The following SNX6 variants were observed in gnomAD, a reference collection of about 807,000 sequenced individuals.
The protein encoded by SNX6 is sorting nexin-6.
Under a neutral mutation model 63.0 loss-of-function variants are expected in SNX6, and 34 were observed. The observed-to-expected ratio is 0.54, with a 90% CI of 0.41 to 0.72. SNX6 has a LOEUF of 0.72. Among genes scored for constraint, SNX6 ranks in the 30% least tolerant of loss-of-function variants. SNX6 has a pLI of 0.00. For synonymous variants in SNX6, 170 were observed against 164.2 expected (o/e 1.04, Z -0.27); for missense variants, 398 against 471.4 (o/e 0.84, Z 1.44).
intron 2 of SNX6, among the ~76,000 whole-genome samples, chr14:34,616,438 T>C (rs1408514458): frequency 6.6e-6 from 1 of 152,172 alleles, no homozygotes; most frequent in African/African-American, 2.4e-5. Context: ...GGCACAATCA[T>C]AGCTCATTTT....
chr14:34,623,268 GA>G (rs1883696110), intron 2 of SNX6, among the ~76,000 whole-genome samples: 1 of 152,114 alleles, frequency 6.6e-6, no homozygotes, highest in Non-Finnish European at 1.5e-5. Context: ...AAGAAAAGGT[GA>G]GGGGGAAAAA....
chr14:34,579,819 C>T (rs1165747740), intron 10 of SNX6, among the ~76,000 whole-genome samples: 1 of 148,780 alleles, frequency 6.7e-6, no homozygotes, highest in Admixed American at 6.7e-5. Context: ...AAGACCCTGT[C>T]TCTACCAAAA....
At chr14:34,593,566 TTTC>T (rs1170111031) in intron 7 of SNX6, among the ~76,000 whole-genome samples, 18 of 149,718 alleles carry the variant, frequency 1.2e-4, no homozygotes, top group Non-Finnish European at 1.6e-4. Context: ...ACCCAGCTAA[TTTC>T]TTTTCTTTTT....
chr14:34,598,379 A>G (rs895210345), intron 6 of SNX6, among the ~76,000 whole-genome samples: 5 of 152,130 alleles, frequency 3.3e-5, no homozygotes, highest in Non-Finnish European at 7.3e-5. Flanking sequence ...GTGTCCCCCT[A>G]AAGTTCACAG....
intron 6 of SNX6, among the ~76,000 whole-genome samples, chr14:34,601,256 C>A (rs565765829): frequency 6.8e-6 from 1 of 147,808 alleles, no homozygotes; most frequent in Non-Finnish European, 1.5e-5. Flanking sequence ...GACGGAGTCT[C>A]GCTTTGTCAC....
chr14:34,567,253 G>T (rs535961789), intron 13 of SNX6, among the ~76,000 whole-genome samples: 39 of 152,126 alleles, frequency 2.6e-4, no homozygotes, highest in African/African-American at 9.2e-4. Flanking sequence ...TTGGGAGGCT[G>T]AGGCAGGAGG....
At chr14:34,574,838 G>A (rs1160475665) in intron 11 of SNX6, among the ~76,000 whole-genome samples, 4 of 151,612 alleles carry the variant, frequency 2.6e-5, no homozygotes, top group African/African-American at 4.8e-5. Flanking sequence ...GATTACAGGC[G>A]TAAGCCACTG....
At chr14:34,603,899 G>A (rs1162764867) in intron 5 of SNX6, among the ~76,000 whole-genome samples, 3 of 151,932 alleles carry the variant, frequency 2.0e-5, no homozygotes, top group South Asian at 2.1e-4. Context: ...TATTTTCAAC[G>A]TTAATAATTA....
chr14:34,617,330 T>C (rs1303514858), intron 2 of SNX6, among the ~76,000 whole-genome samples: 2 of 152,138 alleles, frequency 1.3e-5, no homozygotes, highest in Admixed American at 1.3e-4. Context: ...CTGTGACCTG[T>C]TGTTCCACAT....
intron 11 of SNX6, chr14:34,568,778 G>C (rs1009473223): frequency 5.3e-6 from 5 of 937,714 alleles, no homozygotes; most frequent in Non-Finnish European, 8.7e-6. Context: ...CCCCCATCTT[G>C]GTCCTTTTCC....
intron 10 of SNX6, 51 bp from the exon 11 acceptor site, chr14:34,575,893 T>A: frequency 9.8e-7 from 1 of 1,023,626 alleles, no homozygotes; most frequent in Non-Finnish European, 1.5e-6. Context: ...CATTCTCCTC[T>A]CAGTGGTTTC....
At chr14:34,592,544 T>C (rs1882438396) in intron 8 of SNX6, among the ~76,000 whole-genome samples, 1 of 152,106 alleles carries the variant, frequency 6.6e-6, no homozygotes, top group Non-Finnish European at 1.5e-5. Flanking sequence ...ACTATCACAG[T>C]ATCATTATAA....
chr14:34,612,828 T>C (rs1304420138), intron 2 of SNX6, among the ~76,000 whole-genome samples: 2 of 151,762 alleles, frequency 1.3e-5, no homozygotes, highest in Admixed American at 1.3e-4. Context: ...AGTGAGTGGA[T>C]CACCTGAGGT....
chr14:34,600,623 A>G (rs1319439346), intron 6 of SNX6, among the ~76,000 whole-genome samples: 1 of 152,122 alleles, frequency 6.6e-6, no homozygotes, highest in East Asian at 1.9e-4. Flanking sequence ...GCACTATGCT[A>G]TATTTATTTT....
At chr14:34,629,765 G>A in intron 2 of SNX6, 142 bp downstream of exon 2, 1 of 1,308,074 alleles carries the variant, frequency 7.6e-7, no homozygotes, top group Non-Finnish European at 1.1e-6. Flanking sequence ...AGGGTGGGGC[G>A]CGGTGCAGCG....
chr14:34,563,103 C>G lies in SNX6; in HGVS notation c.*19G>C. ...TTTGAAGGAAGGCAGCCCTTTTTAA[C>G]AGGAAGGCGGAGTGTGGCTTATGTG... On this transcript the variant is annotated 3_prime_UTR_variant, in exon 14 of 14. Coordinates refer to ENST00000362031, the MANE Select transcript of SNX6 (RefSeq NM_152233.4). 6.2e-7 allele frequency: 1 copy of G among 1,612,480 alleles called. No individual in the cohort carries two copies. Among genetic ancestry groups the G allele is most frequent in the Non-Finnish European group, 8.5e-7 (1 of 1,178,922 alleles).
At chr14:34,619,402 A>G (rs1182529298) in intron 2 of SNX6, among the ~76,000 whole-genome samples, 1 of 152,008 alleles carries the variant, frequency 6.6e-6, no homozygotes, top group Non-Finnish European at 1.5e-5. Flanking sequence ...AGCCTCGGTA[A>G]CAGAACACAA....
At chr14:34,587,681 G>A (rs1882230887) in intron 8 of SNX6, among the ~76,000 whole-genome samples, 1 of 151,804 alleles carries the variant, frequency 6.6e-6, no homozygotes, top group African/African-American at 2.4e-5. Flanking sequence ...GCTCAGGCAT[G>A]AGCACGGTGG....
chr14:34,627,201 C>A (rs1443455323), intron 2 of SNX6, among the ~76,000 whole-genome samples: 1 of 152,124 alleles, frequency 6.6e-6, no homozygotes, highest in South Asian at 2.1e-4. Context: ...AATCCCAGCA[C>A]TTTGGGAGGC....
Sources: gnomAD v4.1 joint callset for allele counts (sites outside exome capture counted in the v4.1 genomes callset) on GRCh38, gnomAD v4.1.1 for gene constraint, MANE v1.5 for transcripts, NCBI Gene and HGNC (gene_info 2026-07-23, HGNC 2026-07-21) for gene names.